Variants in TCF25 observed in about 807,000 individuals in gnomAD.
The protein encoded by TCF25 is ribosome quality control complex subunit TCF25.
Under a neutral mutation model 83.1 loss-of-function variants are expected in TCF25, and 41 were observed. The observed-to-expected ratio is 0.49, with a 90% CI of 0.38 to 0.64. The LOEUF (loss-of-function observed/expected upper bound fraction) is 0.64, where lower values mean the gene tolerates loss of function less well. Among genes scored for constraint, TCF25 ranks in the 30% least tolerant of loss-of-function variants. TCF25 has a pLI of 0.00. For missense variants in TCF25, 979 were observed against 914.5 expected (o/e 1.07, Z -0.91); for synonymous variants, 458 against 365.0 (o/e 1.25, Z -2.90).
Position 89,873,679 on chromosome 16 carries a change from G to A in TCF25, c.12G>A (p.Arg4=). 6.3e-7 allele frequency: 1 copy of A among 1,598,424 alleles called. No individual in the cohort carries two copies. Among genetic ancestry groups the A allele is most frequent in the Non-Finnish European group, 8.5e-7 (1 of 1,175,324 alleles). The change falls in exon 1 of 18, where the codon CGG becomes CGA. Residue 4 remains arginine, a synonymous_variant. Coordinates refer to ENST00000263346, the MANE Select transcript of TCF25 (RefSeq NM_014972.3). The part of the protein sequence containing the change: MSR[R]ALRRLRGEQR... Reference sequence around the variant, plus strand: ...GGTCGTTCGGTCCTATGTCGCGCCGGGCCCTCCGGAGGCTGAGGGGGGAAC... The same window carrying A: ...GGTCGTTCGGTCCTATGTCGCGCCGAGCCCTCCGGAGGCTGAGGGGGGAAC...
intron 1 of TCF25, among the ~76,000 whole-genome samples, chr16:89,877,922 T>C (rs7184225): frequency 0.049 from 7,499 of 152,200 alleles, 547 homozygotes; most frequent in African/African-American, 0.16. Context: ...TAAATTGACA[T>C]GTGAAGAAAT....
chr16:89,878,456 TTTAGGAAAAATGGACA>T, intron 1 of TCF25: 1 of 1,245,480 alleles, frequency 8.0e-7, no homozygotes, highest in Non-Finnish European at 1.0e-6. Flanking sequence ...TTTTTTTTTT[TTTAGGAAAAATGGACA>T]TTTTCCTCTC....
At chr16:89,904,256 C>A in intron 13 of TCF25, 51 bp downstream of exon 13, 1 of 1,542,402 alleles carries the variant, frequency 6.5e-7, no homozygotes, top group Non-Finnish European at 8.8e-7. Flanking sequence ...GGTTCGGAGC[C>A]TGGGAGCCAT....
At chr16:89,894,793 C>CGTGT in intron 7 of TCF25, among the ~76,000 whole-genome samples, 1 of 152,126 alleles carries the variant, frequency 6.6e-6, no homozygotes, top group Non-Finnish European at 1.5e-5. Context: ...TACAGGCACA[C>CGTGT]GCCACCACAC....
intron 6 of TCF25, among the ~76,000 whole-genome samples, chr16:89,892,991 C>G (rs1248486967): frequency 1.3e-5 from 2 of 152,238 alleles, no homozygotes; most frequent in African/African-American, 4.8e-5. Flanking sequence ...TCTGTAAGGA[C>G]ACATCTAGGA....
chr16:89,882,416 T>C (rs1221154945), intron 1 of TCF25, among the ~76,000 whole-genome samples: 3 of 152,038 alleles, frequency 2.0e-5, no homozygotes, highest in Non-Finnish European at 4.4e-5. Flanking sequence ...CTCACGCCTG[T>C]AGTTCCAGCT....
chr16:89,883,067 T>C (rs1340374543), intron 1 of TCF25, among the ~76,000 whole-genome samples: 2 of 152,126 alleles, frequency 1.3e-5, no homozygotes, highest in East Asian at 1.9e-4. Flanking sequence ...TGGAGTAAAT[T>C]ACAATATTTG....
chr16:89,898,993 G>A, intron 11 of TCF25, 121 bp downstream of exon 11: 1 of 915,568 alleles, frequency 1.1e-6, no homozygotes, highest in East Asian at 2.6e-5. Flanking sequence ...TCGTCTGAGG[G>A]CAGAACCACG....
At chr16:89,883,810 G>A (rs1024293063) in intron 2 of TCF25, 3 of 299,390 alleles carry the variant, frequency 1.0e-5, no homozygotes, top group East Asian at 5.6e-5. Flanking sequence ...CTAGCCGACC[G>A]CGCACGTGTG....
chr16:89,885,476 T>G (rs920009773), intron 3 of TCF25, among the ~76,000 whole-genome samples: 2 of 152,332 alleles, frequency 1.3e-5, no homozygotes, highest in Admixed American at 6.5e-5. Context: ...GAAAAAAATA[T>G]GTTTTCATCA....
At chr16:89,873,895 G>GGC in intron 1 of TCF25, 36 bp downstream of exon 1, 1 of 1,435,072 alleles carries the variant, frequency 7.0e-7, no homozygotes, top group Non-Finnish European at 9.3e-7. Context: ...GGGTGGGGTG[G>GGC]CCCTTGACGT....
chr16:89,883,314 A>C (rs774325304), intron 1 of TCF25, 37 bp from the exon 2 acceptor site: 5 of 1,606,566 alleles, frequency 3.1e-6, no homozygotes, highest in Non-Finnish European at 4.3e-6. Flanking sequence ...TCACACTGTA[A>C]GTAACGCCCT....
chr16:89,876,501 A>C (rs1191615693), intron 1 of TCF25, among the ~76,000 whole-genome samples: 1 of 152,068 alleles, frequency 6.6e-6, no homozygotes, highest in Admixed American at 6.5e-5. Flanking sequence ...TGGGCTCAAG[A>C]GATCCTTCCG....
At chr16:89,910,570 C>T in intron 16 of TCF25, 21 bp from the exon 17 acceptor site, 1 of 1,612,926 alleles carries the variant, frequency 6.2e-7, no homozygotes, top group Non-Finnish European at 8.5e-7. Context: ...TCGTTTCTGA[C>T]TTTTCTTGAC....
chr16:89,909,339 G>T, intron 16 of TCF25: 1 of 365,340 alleles, frequency 2.7e-6, no homozygotes, highest in East Asian at 7.5e-5. Flanking sequence ...CTGAAAACCC[G>T]TCTCTACTAA....
chr16:89,886,435 T>A (rs13335395), intron 4 of TCF25, among the ~76,000 whole-genome samples: 26,823 of 137,126 alleles, frequency 0.2, 3,230 homozygotes, highest in East Asian at 0.37. Context: ...CTCAAAAAAA[T>A]AATAATAATA....
At chr16:89,889,749 C>T in intron 5 of TCF25, 1 of 153,092 alleles carries the variant, frequency 6.5e-6, no homozygotes, top group Non-Finnish European at 1.4e-5. Context: ...GGGGTTTCTC[C>T]ATGTTGGTCA....
At chr16:89,884,554 A>C in intron 2 of TCF25, 28 bp from the exon 3 acceptor site, 1 of 1,608,774 alleles carries the variant, frequency 6.2e-7, no homozygotes. Flanking sequence ...TTCTCATTCT[A>C]CTGATGAAAA....
At chr16:89,904,547 T>C in intron 13 of TCF25, 1 of 490,276 alleles carries the variant, frequency 2.0e-6, no homozygotes, top group African/African-American at 1.9e-5. Context: ...GCTGCTGCAC[T>C]CCAGCCTGGG....
Sources: gnomAD v4.1 joint callset for allele counts (sites outside exome capture counted in the v4.1 genomes callset) on GRCh38, gnomAD v4.1.1 for gene constraint, MANE v1.5 for transcripts, NCBI Gene and HGNC (gene_info 2026-07-23, HGNC 2026-07-21) for gene names.